The following TRPC5 variants were observed in gnomAD, a reference collection of about 807,000 sequenced individuals.
TRPC5 encodes transient receptor potential cation channel subfamily C member 5, also known as short transient receptor potential channel 5.
Under a neutral mutation model 56.5 loss-of-function variants are expected in TRPC5, and 9 were observed. That is an observed-to-expected ratio of 0.16 (90% CI 0.10 to 0.28). The LOEUF is 0.28. TRPC5 is among the 10% of genes least tolerant of loss of function. The pLI, the probability that TRPC5 is intolerant of heterozygous loss-of-function variation, is 1.00. For missense variants in TRPC5, 469 were observed against 748.9 expected, an observed-to-expected ratio of 0.63 and a Z score of 4.36; for synonymous variants, 282 against 278.5, an observed-to-expected ratio of 1.01 and a Z score of -0.13.
intron 2 of TRPC5, among the ~76,000 whole-genome samples, chrX:111,942,886 A>G (rs1467035868): frequency 1.8e-5 from 2 of 111,830 alleles, no homozygotes; most frequent in African/African-American, 6.5e-5. Context: ...GACCTTCCCA[A>G]GGTCGTTCAG....
At chrX:111,944,303 T>TGTGTGTGAGA (rs1173179815) in intron 2 of TRPC5, among the ~76,000 whole-genome samples, 2 of 61,390 alleles carry the variant, frequency 3.3e-5, no homozygotes, top group Non-Finnish European at 5.6e-5. Context: ...TGTGTGTGTG[T>TGTGTGTGAGA]GAGAGAGAGA....
chrX:111,808,365 T>G (rs1023301169), intron 7 of TRPC5, among the ~76,000 whole-genome samples: 3 of 108,367 alleles, frequency 2.8e-5, no homozygotes, highest in African/African-American at 1.0e-4. Context: ...TCCCAATCTT[T>G]CCTCCCCACT....
chrX:112,014,736 C>A (rs1412491896), intron 1 of TRPC5, among the ~76,000 whole-genome samples: 1 of 111,829 alleles, frequency 8.9e-6, no homozygotes, highest in African/African-American at 3.3e-5. Context: ...TCCCCTGATC[C>A]AAAACAGGGC....
At chrX:112,047,410 T>A (rs1444810452) in intron 1 of TRPC5, among the ~76,000 whole-genome samples, 1 of 111,442 alleles carries the variant, frequency 9.0e-6, no homozygotes, top group Non-Finnish European at 1.9e-5. Context: ...GCCCTGAGAA[T>A]ATGCATTTCT....
At chrX:111,835,472 G>T (rs1922535798) in intron 6 of TRPC5, among the ~76,000 whole-genome samples, 1 of 111,980 alleles carries the variant, frequency 8.9e-6, no homozygotes, top group South Asian at 3.7e-4. Context: ...TTATGCAGAG[G>T]CAATACATGC....
intron 3 of TRPC5, among the ~76,000 whole-genome samples, chrX:111,855,738 T>C (rs1923207262): frequency 8.9e-6 from 1 of 112,200 alleles, no homozygotes; most frequent in South Asian, 3.7e-4. Flanking sequence ...TACTCTTTTT[T>C]TTGCCACAGT....
intron 1 of TRPC5, among the ~76,000 whole-genome samples, chrX:111,972,883 C>T (rs1055425798): frequency 8.9e-6 from 1 of 111,882 alleles, no homozygotes; most frequent in African/African-American, 3.2e-5. Flanking sequence ...CTGAACATTT[C>T]TAGCTTTTTA....
intron 2 of TRPC5, among the ~76,000 whole-genome samples, chrX:111,939,294 A>C (rs920386431): frequency 1.7e-4 from 19 of 111,471 alleles, no homozygotes; most frequent in Admixed American, 1.5e-3. Flanking sequence ...TGTTGAATGC[A>C]GTTTGCTAGT....
chrX:111,930,375 T>C (rs1248386493), intron 2 of TRPC5, among the ~76,000 whole-genome samples: 1 of 111,094 alleles, frequency 9.0e-6, no homozygotes, highest in African/African-American at 3.3e-5. Context: ...CACCATGGTA[T>C]GTGTATACCT....
At chrX:112,043,470 C>T (rs73266342) in intron 1 of TRPC5, among the ~76,000 whole-genome samples, 13,478 of 110,218 alleles carry the variant, frequency 0.12, 686 homozygotes, top group African/African-American at 0.16. Flanking sequence ...TAGCTACTGG[C>T]TTAGTGTAAC....
intron 1 of TRPC5, among the ~76,000 whole-genome samples, chrX:112,053,786 T>C (rs1266799509): frequency 8.9e-6 from 1 of 112,305 alleles, no homozygotes; most frequent in Non-Finnish European, 1.9e-5. Flanking sequence ...ATGCTTTCCC[T>C]GAGGTTGAAG....
chrX:112,030,540 A>T (rs1929561812), intron 1 of TRPC5, among the ~76,000 whole-genome samples: 1 of 112,051 alleles, frequency 8.9e-6, no homozygotes, highest in South Asian at 3.7e-4. Context: ...TGCTTATGGG[A>T]TGTGGATAGC....
chrX:111,963,016 C>G (rs990497190), intron 1 of TRPC5, among the ~76,000 whole-genome samples: 2 of 111,957 alleles, frequency 1.8e-5, no homozygotes, highest in African/African-American at 6.5e-5. Flanking sequence ...CGAGCCGAAG[C>G]AGGGCGAGGC....
chrX:111,875,572 C>CTTTTTTTTTTTTTTT (rs771241425), intron 3 of TRPC5, among the ~76,000 whole-genome samples: 8 of 70,487 alleles, frequency 1.1e-4, no homozygotes, highest in African/African-American at 4.6e-4. Flanking sequence ...TTTTTTCTTT[C>CTTTTTTTTTTTTTTT]TTTTTTTTTT....
chrX:112,081,185 A>G, intron 1 of TRPC5, among the ~76,000 whole-genome samples: 1 of 112,027 alleles, frequency 8.9e-6, no homozygotes, highest in Non-Finnish European at 1.9e-5. Context: ...AAAGATCAGC[A>G]TCTGTGAATT....
chrX:112,051,598 C>T (rs1930214327), intron 1 of TRPC5, among the ~76,000 whole-genome samples: 1 of 112,260 alleles, frequency 8.9e-6, no homozygotes, highest in African/African-American at 3.2e-5. Context: ...TTGAAGCCAG[C>T]TTTGCCAGAA....
At position 111,934,234 on chromosome X, in the gene TRPC5, G is replaced by T. The variant is rs1158653088; in HGVS notation, c.378+17809C>A. On this transcript the variant is annotated intron_variant, in intron 2 of 10. Transcript: ENST00000262839. ...TAAAGTGTTTCTCCTTCGTTTTTTT[G>T]TTTTGTTTTGTTTTGTTCTGTTTTT... is the stretch of plus-strand genomic sequence containing the variant. 8.8e-5 allele frequency among the ~76,000 whole-genome samples: 9 copies of T among 102,138 alleles called. No homozygotes were observed. In the East Asian group the frequency reaches 2.5e-3, roughly 28 times the overall value. The allele number at this position is 102,138 out of a possible 115,157, so 88.7% of individuals were successfully genotyped here. A position where few individuals can be genotyped will look rare whatever the true frequency, so the allele number is the denominator to read the frequency against.
intron 3 of TRPC5, among the ~76,000 whole-genome samples, chrX:111,871,667 T>C (rs1252295132): frequency 8.9e-6 from 1 of 112,112 alleles, no homozygotes; most frequent in Non-Finnish European, 1.9e-5. Context: ...ACTCAATAAA[T>C]GTTAGTTCTT....
intron 7 of TRPC5, among the ~76,000 whole-genome samples, chrX:111,821,510 C>T (rs1922029780): frequency 8.9e-6 from 1 of 111,742 alleles, no homozygotes; most frequent in Non-Finnish European, 1.9e-5. Context: ...ATTCTGACCT[C>T]TGTGTTACAG....
Sources: gnomAD v4.1 joint callset for allele counts (sites outside exome capture counted in the v4.1 genomes callset) on GRCh38, gnomAD v4.1.1 for gene constraint, MANE v1.5 for transcripts, NCBI Gene and HGNC (gene_info 2026-07-23, HGNC 2026-07-21) for gene names.